The following RBM23 variants were observed in gnomAD, a reference collection of about 807,000 sequenced individuals.
RBM23 encodes the protein RNA binding motif protein 23.
RBM23 carries 53 observed loss-of-function variants against 56.2 expected under a neutral mutation model. The ratio of observed to expected loss-of-function variants is 0.94; its 90% confidence interval spans 0.76 to 1.19. RBM23 has a LOEUF of 1.19. RBM23 is among the 50% of genes most tolerant of loss of function. The pLI, the probability that RBM23 is intolerant of heterozygous loss-of-function variation, is 0.00. For synonymous variants in RBM23, 197 were observed against 198.5 expected (o/e 0.99, Z 0.06); for missense variants, 642 against 590.3 (o/e 1.09, Z -0.91).
chr14:22,908,258 TG>T, intron 4 of RBM23, 74 bp downstream of exon 4: 1 of 1,499,598 alleles, frequency 6.7e-7, no homozygotes, highest in Admixed American at 2.0e-5. Flanking sequence ...TGGCCTGAAG[TG>T]ATCCTCCCGC....
chr14:22,911,887 G>C (rs906022128), intron 1 of RBM23: 1 of 152,476 alleles, frequency 6.6e-6, no homozygotes, highest in African/African-American at 2.4e-5. Context: ...CTCCAGCCTG[G>C]GCAGCAATGT....
Position 22,902,463 on chromosome 14 carries a change from C to T in RBM23, c.931-81G>A, listed in dbSNP as rs141140916. ...GACCCAGTAACACTCCCTAGTCCTA[C>T]TATCCCAGGAAAATTGTATGCTCAC... On this transcript the variant is annotated intron_variant, in intron 10 of 13. Transcript: ENST00000359890. The T allele has an allele frequency of 1.4e-4, 215 of 1,497,166 alleles. No homozygotes were observed. In the African/African-American group the frequency reaches 2.7e-3, roughly 18 times the overall value. 92.7% of individuals were successfully genotyped at this position (1,497,166 alleles called of 1,614,324 possible). A position where few individuals can be genotyped will look rare whatever the true frequency, so the allele number is the denominator to read the frequency against.
chr14:22,906,599 C>T (rs567484369), intron 4 of RBM23, among the ~76,000 whole-genome samples: 74 of 152,232 alleles, frequency 4.9e-4, no homozygotes, highest in East Asian at 3.9e-4. Flanking sequence ...ACAGCACATC[C>T]AATTATGTAC....
At chr14:22,904,597 G>A (rs2041205629) in intron 9 of RBM23, among the ~76,000 whole-genome samples, 1 of 150,626 alleles carries the variant, frequency 6.6e-6, no homozygotes, top group African/African-American at 2.4e-5. Flanking sequence ...TCAGCCTCTC[G>A]ACTAGTTGGG....
chr14:22,914,323 C>CAAAA (rs1176405918), intron 1 of RBM23, among the ~76,000 whole-genome samples: 3 of 87,800 alleles, frequency 3.4e-5, no homozygotes, highest in Admixed American at 1.3e-4. Flanking sequence ...GACTCTGTCT[C>CAAAA]AAAAAAAAAA....
chr14:22,908,302 G>A (rs190816007), intron 4 of RBM23, 31 bp downstream of exon 4: 8 of 1,548,352 alleles, frequency 5.2e-6, no homozygotes, highest in African/African-American at 4.1e-5. Flanking sequence ...TTAAAGATAC[G>A]AGCCACTGTG....
At chr14:22,912,305 T>C (rs1243526027) in intron 1 of RBM23, among the ~76,000 whole-genome samples, 2 of 152,210 alleles carry the variant, frequency 1.3e-5, no homozygotes, top group Non-Finnish European at 1.5e-5. Flanking sequence ...CCTCTCCGCA[T>C]ACCCTGAACA....
chr14:22,906,344 A>C lies in RBM23; in HGVS notation c.252T>G (p.Tyr84Ter). The C allele has an allele frequency of 6.2e-7, 1 of 1,614,182 alleles. No individual in the cohort carries two copies. The highest frequency in any genetic ancestry group is 8.5e-7 in the Non-Finnish European group (1 of 1,180,040). Reference protein sequence around the residue: ...KRSRSRDRDRYRRRNSRSRSP... With the variant: ...KRSRSRDRDR ...TTCGGCTCCGACTATTTCTCCGTCTATACCGATCCCGATCTCGACTACGAC... is the reference window on the plus strand; with the variant it reads ...TTCGGCTCCGACTATTTCTCCGTCTCTACCGATCCCGATCTCGACTACGAC... The change falls in exon 5 of 14, where the codon TAT becomes TAG. Residue 84 changes from tyrosine (Y) to a stop codon, truncating the protein, a stop_gained. Transcript: ENST00000359890. LOFTEE classifies it high-confidence loss of function.
intron 1 of RBM23, among the ~76,000 whole-genome samples, chr14:22,912,901 G>A (rs1347074992): frequency 6.7e-6 from 1 of 148,682 alleles, no homozygotes; most frequent in African/African-American, 2.5e-5. Context: ...TCGGGAGGCT[G>A]AGGCAGGAGT....
chr14:22,914,986 CAAAAAAA>C (rs367972024), intron 1 of RBM23, among the ~76,000 whole-genome samples: 1 of 101,970 alleles, frequency 9.8e-6, no homozygotes, highest in Admixed American at 1.1e-4. Flanking sequence ...GACTCCATCT[CAAAAAAA>C]AAAAAAAAAA....
chr14:22,903,903 G>A, intron 10 of RBM23: 11 of 1,194,134 alleles, frequency 9.2e-6, no homozygotes, highest in Non-Finnish European at 1.2e-5. Context: ...CCTGTTATGA[G>A]AAACATCAAT....
intron 4 of RBM23, 106 bp from the exon 5 acceptor site, chr14:22,906,474 G>A (rs1284103101): frequency 1.3e-5 from 17 of 1,271,322 alleles, no homozygotes; most frequent in South Asian, 1.2e-4. Flanking sequence ...TGAGAAGTTC[G>A]TATAACCTAG....
rs147674989 is a variant in RBM23, at chr14:22,901,430, G to A, written c.*300C>T. 4 of 530,522 alleles carry A rather than the reference G, an allele frequency of 7.5e-6. No homozygotes were observed. In the African/African-American group the frequency reaches 7.6e-5, roughly 10 times the overall value. 32.9% of individuals were successfully genotyped at this position (530,522 alleles called of 1,614,324 possible). A position where few individuals can be genotyped will look rare whatever the true frequency, so the allele number is the denominator to read the frequency against. On this transcript the variant is annotated 3_prime_UTR_variant, in exon 14 of 14. Transcript: ENST00000359890. ...GGGGGAGAAATTGAGGAATCACTAAGGTGTTGGAAAGGGCAAGAAGGTAAT... is the reference window on the plus strand; with the variant it reads ...GGGGGAGAAATTGAGGAATCACTAAAGTGTTGGAAAGGGCAAGAAGGTAAT...
chr14:22,913,775 G>C (rs1312767558), intron 1 of RBM23: 1 of 151,882 alleles, frequency 6.6e-6, no homozygotes, highest in Non-Finnish European at 1.5e-5. Flanking sequence ...CTTGAACCCA[G>C]GAGGTGGAGG....
In RBM23 at chr14:22,901,133, T is replaced by C. The variant is rs116149462; in HGVS notation, c.*597A>G. The C allele has an allele frequency of 6.6e-3, 1,027 of 156,218 alleles. 8 individuals are homozygous for C. Among genetic ancestry groups the C allele is most frequent in the African/African-American group, 0.022 (932 of 41,604 alleles). 9.7% of individuals were successfully genotyped at this position (156,218 alleles called of 1,614,324 possible). A position where few individuals can be genotyped will look rare whatever the true frequency, so the allele number is the denominator to read the frequency against. ...ATCACTCTGAGGCCTCCTGGCAGGA[T>C]AGATCACTTCCATGCCTCCTAGCAA... is the stretch of plus-strand genomic sequence containing the variant. On this transcript the variant is annotated 3_prime_UTR_variant, in exon 14 of 14. Coordinates refer to ENST00000359890, the MANE Select transcript of RBM23 (RefSeq NM_001077351.2).
At chr14:22,915,876 C>A (rs765935512) in intron 1 of RBM23, among the ~76,000 whole-genome samples, 4 of 152,158 alleles carry the variant, frequency 2.6e-5, no homozygotes, top group African/African-American at 4.8e-5. Flanking sequence ...ATGATTCATA[C>A]CCAAATTTTT....
intron 2 of RBM23, among the ~76,000 whole-genome samples, chr14:22,910,148 T>C (rs1594340603): frequency 5.5e-5 from 1 of 18,268 alleles, no homozygotes; most frequent in Non-Finnish European, 1.0e-4. Context: ...TGAGACTCTG[T>C]CTCAAAAAAA....
intron 1 of RBM23, chr14:22,913,666 G>A (rs890636142): frequency 4.6e-5 from 7 of 151,262 alleles, no homozygotes; most frequent in Admixed American, 4.0e-4. Flanking sequence ...TGGCCAATAT[G>A]GTGAAACCTC....
At chr14:22,912,440 G>T (rs970791335) in intron 1 of RBM23, among the ~76,000 whole-genome samples, 9 of 152,140 alleles carry the variant, frequency 5.9e-5, no homozygotes, top group Non-Finnish European at 1.2e-4. Flanking sequence ...CTCTCTGGCA[G>T]GCAAGGTAAA....
Sources: gnomAD v4.1 joint callset for allele counts (sites outside exome capture counted in the v4.1 genomes callset) on GRCh38, gnomAD v4.1.1 for gene constraint, MANE v1.5 for transcripts, NCBI Gene and HGNC (gene_info 2026-07-23, HGNC 2026-07-21) for gene names.